The following FAM13B variants were observed in gnomAD, a reference collection of about 807,000 sequenced individuals.
FAM13B encodes family with sequence similarity 13 member B.
In FAM13B, 60 loss-of-function variants were observed where a neutral mutation model predicts 117.3. The ratio of observed to expected loss-of-function variants is 0.51; its 90% CI spans 0.42 to 0.63. The LOEUF (loss-of-function observed/expected upper bound fraction) is 0.63. Among genes scored for constraint, FAM13B ranks in the 30% least tolerant of loss-of-function variants. The pLI, the probability that FAM13B is intolerant of heterozygous loss-of-function variation, is 0.00. For synonymous variants in FAM13B, 332 were observed against 356.1 expected, an observed-to-expected ratio of 0.93 and a Z score of 0.76; for missense variants, 972 against 1,091.9, an observed-to-expected ratio of 0.89 and a Z score of 1.55.
Position 137,938,739 on chromosome 5 carries a change from T to A in FAM13B, c.*1486A>T, listed in dbSNP as rs1348592447. ...TTATCAAACTACTTCATGTGCTTAC[T>A]ATGTAATAGTGCCAGAAGTCTGAGG... On this transcript the variant is annotated 3_prime_UTR_variant, in exon 24 of 24. Coordinates refer to ENST00000689681, the MANE Select transcript of FAM13B (RefSeq NM_001385994.1). The A allele has an allele frequency of 1.3e-5, 2 of 152,428 alleles. No homozygotes were observed. The highest frequency in any genetic ancestry group is 2.9e-5 in the Non-Finnish European group (2 of 68,000). 9.4% of individuals were successfully genotyped at this position (152,428 alleles called of 1,614,324 possible).
At position 138,018,452 on chromosome 5, in the gene FAM13B, G is replaced by A. The variant is rs1156862157; in HGVS notation, c.220C>T (p.Arg74Trp). 3.1e-6 allele frequency: 5 copies of A among 1,614,092 alleles called. No individual in the cohort carries two copies. The highest frequency in any genetic ancestry group is 1.1e-5 in the South Asian group (1 of 91,084). The change falls in exon 4 of 24, where the codon CGG becomes TGG. Residue 74 changes from arginine (R) to tryptophan (W), a missense_variant. By Grantham distance (101) the Arg-to-Trp change is moderately radical (BLOSUM62 -3). Coordinates refer to ENST00000689681, the MANE Select transcript of FAM13B (RefSeq NM_001385994.1). ...NGNAETVEWL[R>W]QRYDSGEEVD... ...TCTTCTCCGCTGTCGTATCTCTGCCGAAGCCACTCCACTGTCTCAGCATTT... is the reference window on the plus strand; with the variant it reads ...TCTTCTCCGCTGTCGTATCTCTGCCAAAGCCACTCCACTGTCTCAGCATTT...
chr5:138,018,458 AC>A lies in FAM13B; in HGVS notation c.213del (p.Glu71AspfsTer48). ...CCGCTGTCGTATCTCTGCCGAAGCC[AC>A]TCCACTGTCTCAGCATTTCCATTGA... is the stretch of plus-strand genomic sequence containing the variant. The part of the protein sequence containing the change: ...FQVNGNAETV[E>X]WLRQRYDSGE... On this transcript the variant is annotated frameshift_variant, in exon 4 of 24. Coordinates refer to ENST00000689681, the MANE Select transcript of FAM13B (RefSeq NM_001385994.1). LOFTEE classifies it high-confidence loss of function. 6.2e-7 allele frequency: 1 copy of A among 1,613,940 alleles called. No homozygotes were observed. Among genetic ancestry groups the A allele is most frequent in the Non-Finnish European group, 8.5e-7 (1 of 1,179,978 alleles).
intron 10 of FAM13B, among the ~76,000 whole-genome samples, chr5:137,979,706 T>C (rs754030473): frequency 2.2e-4 from 34 of 152,214 alleles, no homozygotes; most frequent in Non-Finnish European, 4.0e-4. Flanking sequence ...TCCAGCCCTA[T>C]AAAAAGCCAA....
intron 4 of FAM13B, among the ~76,000 whole-genome samples, chr5:138,015,388 G>A (rs7703945): frequency 0.01 from 1,566 of 152,330 alleles, 25 homozygotes; most frequent in African/African-American, 0.035. Context: ...ATGTATTTGT[G>A]AATATTAAAA....
chr5:137,980,176 G>GAAA (rs528372296), intron 10 of FAM13B, among the ~76,000 whole-genome samples: 26 of 114,018 alleles, frequency 2.3e-4, no homozygotes, highest in South Asian at 1.3e-3. Context: ...TCCGTCTCAA[G>GAAA]AAAAAAAAAA....
At chr5:138,028,889 C>T (rs758752028) in intron 1 of FAM13B, among the ~76,000 whole-genome samples, 3 of 152,174 alleles carry the variant, frequency 2.0e-5, no homozygotes, top group Admixed American at 2.0e-4. Context: ...CATGGTGGCA[C>T]ATGCCTGTGG....
intron 17 of FAM13B, 26 bp from the exon 18 acceptor site, chr5:137,949,210 C>T: frequency 6.3e-7 from 1 of 1,580,082 alleles, no homozygotes; most frequent in Non-Finnish European, 8.7e-7. Context: ...AAGGACAGAT[C>T]AGTAATAATT....
chr5:137,964,167 C>G (rs557058262), intron 10 of FAM13B, among the ~76,000 whole-genome samples: 2 of 152,276 alleles, frequency 1.3e-5, no homozygotes, highest in East Asian at 3.9e-4. Context: ...AAGCGATTCT[C>G]CTGCCTCAGC....
At chr5:138,036,369 C>T (rs183412338), upstream of FAM13B, 2 of 456,572 alleles carry the variant, frequency 4.4e-6, no homozygotes, top group East Asian at 6.9e-5. Context: ...ACCTCTTGCC[C>T]GAACAAACTT....
intron 10 of FAM13B, among the ~76,000 whole-genome samples, chr5:137,973,542 G>A (rs1444166189): frequency 2.6e-5 from 4 of 152,158 alleles, no homozygotes; most frequent in Admixed American, 2.0e-4. Flanking sequence ...TCAGGACATA[G>A]GCATGGGCAA....
intron 4 of FAM13B, 99 bp downstream of exon 4, chr5:138,018,202 TA>T: frequency 9.9e-7 from 1 of 1,013,034 alleles, no homozygotes; most frequent in Non-Finnish European, 1.5e-6. Flanking sequence ...AATTAATCTC[TA>T]AAATACTATA....
chr5:138,035,939 T>C (rs1225481070), upstream of FAM13B, among the ~76,000 whole-genome samples: 3 of 152,184 alleles, frequency 2.0e-5, no homozygotes, highest in African/African-American at 7.2e-5. Flanking sequence ...TCCCCCATAA[T>C]TCTATTGGTC....
At chr5:138,049,074 T>C (rs1488419093) in intron 1 of FAM13B, among the ~76,000 whole-genome samples, 1 of 151,896 alleles carries the variant, frequency 6.6e-6, no homozygotes, top group Non-Finnish European at 1.5e-5. Flanking sequence ...CCCGACTAGC[T>C]GGAGTTACAG....
At chr5:138,038,616 T>C (rs1407479061) in intron 1 of FAM13B, 1 of 152,230 alleles carries the variant, frequency 6.6e-6, no homozygotes, top group Non-Finnish European at 1.5e-5. Context: ...TGGAAATCTT[T>C]CTGTGCCACT....
chr5:138,047,781 G>A (rs1284675449), intron 1 of FAM13B, among the ~76,000 whole-genome samples: 13 of 152,160 alleles, frequency 8.5e-5, no homozygotes, highest in African/African-American at 2.2e-4. Context: ...CCATGAACCA[G>A]GGAATGTGGA....
At chr5:137,976,433 T>G (rs541207548) in intron 10 of FAM13B, among the ~76,000 whole-genome samples, 1 of 152,286 alleles carries the variant, frequency 6.6e-6, no homozygotes, top group East Asian at 1.9e-4. Flanking sequence ...AATTGGAATT[T>G]TTTGCTTAAA....
chr5:137,949,893 G>A (rs1251509120), intron 17 of FAM13B, among the ~76,000 whole-genome samples: 3 of 151,912 alleles, frequency 2.0e-5, no homozygotes, highest in African/African-American at 7.3e-5. Context: ...AGCCTGGGAG[G>A]CTCAGGCTGC....
rs1158303416 is a variant in FAM13B at position 137,939,108 on chromosome 5, T to C, written c.*1117A>G. 6.6e-6 allele frequency: 1 copy of C among 152,068 alleles called. No homozygotes were observed. The highest frequency in any genetic ancestry group is 2.4e-5 in the African/African-American group (1 of 41,392). 9.4% of individuals were successfully genotyped at this position (152,068 alleles called of 1,614,324 possible). A position where few individuals can be genotyped will look rare whatever the true frequency, so the allele number is the denominator to read the frequency against. On this transcript the variant is annotated 3_prime_UTR_variant, in exon 24 of 24. Coordinates refer to ENST00000689681, the MANE Select transcript of FAM13B (RefSeq NM_001385994.1). Reference sequence around the variant, plus strand: ...GAGTATATGACAAGGGGCATACCACTACACATCCTGTAAACAGCTGCTTTA... The same window carrying C: ...GAGTATATGACAAGGGGCATACCACCACACATCCTGTAAACAGCTGCTTTA...
At chr5:138,022,869 C>T (rs929353563) in intron 1 of FAM13B, among the ~76,000 whole-genome samples, 2 of 151,400 alleles carry the variant, frequency 1.3e-5, no homozygotes. Flanking sequence ...CACTCTGTCA[C>T]CCAGGCTGGA....
Sources: gnomAD v4.1 joint callset for allele counts (sites outside exome capture counted in the v4.1 genomes callset) on GRCh38, gnomAD v4.1.1 for gene constraint, MANE v1.5 for transcripts, NCBI Gene and HGNC (gene_info 2026-07-23, HGNC 2026-07-21) for gene names.